Variants in HERC3 observed in about 807,000 individuals in gnomAD.
The protein encoded by HERC3 is probable E3 ubiquitin-protein ligase HERC3.
In HERC3, 58 loss-of-function variants were observed where a neutral mutation model predicts 129.9. The observed-to-expected ratio is 0.45, with a 90% CI of 0.36 to 0.56. HERC3 has a LOEUF of 0.56. HERC3 is among the 20% of genes least tolerant of loss of function. The probability of loss-of-function intolerance (pLI) is 0.00; values close to 1 mark genes in which losing one functional copy is unlikely to be tolerated. For missense variants in HERC3, 835 were observed against 1,244.2 expected, an observed-to-expected ratio of 0.67 and a Z score of 4.95; for synonymous variants, 430 against 451.0, an observed-to-expected ratio of 0.95 and a Z score of 0.59.
At chr4:88,644,560 A>G (rs1046122432) in intron 3 of HERC3, among the ~76,000 whole-genome samples, 1 of 152,220 alleles carries the variant, frequency 6.6e-6, no homozygotes, top group Non-Finnish European at 1.5e-5. Context: ...ACTCAAAACT[A>G]TAGTGAGAGA....
At chr4:88,546,105 T>C in the HERC3 span, among the ~76,000 whole-genome samples, 1 of 152,226 alleles carries the variant, frequency 6.6e-6, no homozygotes, top group Non-Finnish European at 1.5e-5. Flanking sequence ...GTTGAATTAC[T>C]TGAAATTTCC....
At chr4:88,658,019 C>T (rs747163357) in intron 9 of HERC3, among the ~76,000 whole-genome samples, 67 of 152,146 alleles carry the variant, frequency 4.4e-4, no homozygotes, top group Non-Finnish European at 5.0e-4. Context: ...GAGCAGGAAA[C>T]GGAGGTCCTT....
chr4:88,651,539 G>T (rs1729277487), intron 4 of HERC3, among the ~76,000 whole-genome samples: 1 of 152,150 alleles, frequency 6.6e-6, no homozygotes, highest in Non-Finnish European at 1.5e-5. Context: ...AGACAAGTAG[G>T]TAAAATACAG....
At chr4:88,603,141 A>C (rs1484314685) in intron 2 of HERC3, among the ~76,000 whole-genome samples, 1 of 151,830 alleles carries the variant, frequency 6.6e-6, no homozygotes, top group Non-Finnish European at 1.5e-5. Context: ...TGCCACGGAG[A>C]ATCTACTGTT....
Position 88,652,192 on chromosome 4 carries a change from T to C in HERC3, c.463+104T>C. ...TAACTGAAAACTTTGAATTAACTGG[T>C]TAGGGTCTATGCATTGCTGTTGGAC... On this transcript the variant is annotated intron_variant, in intron 5 of 25. Coordinates refer to ENST00000402738, the MANE Select transcript of HERC3 (RefSeq NM_014606.3). 4.8e-6 allele frequency: 4 copies of C among 834,752 alleles called. No homozygotes were observed. In the East Asian group the frequency reaches 1.0e-4, roughly 21 times the overall value. 51.7% of individuals were successfully genotyped at this position (834,752 alleles called of 1,614,324 possible).
chr4:88,609,163 G>T (rs752149952), intron 3 of HERC3, among the ~76,000 whole-genome samples: 28 of 149,732 alleles, frequency 1.9e-4, no homozygotes, highest in Non-Finnish European at 4.0e-4. Context: ...TGTACCTGTT[G>T]TTCCTGCTAC....
At chr4:88,539,359 C>T in the HERC3 span, among the ~76,000 whole-genome samples, 4 of 152,206 alleles carry the variant, frequency 2.6e-5, no homozygotes, top group Non-Finnish European at 5.9e-5. Context: ...GCTGCAGCCT[C>T]GGGGGGAGAG....
At chr4:88,645,501 T>A (rs1728592888) in intron 3 of HERC3, among the ~76,000 whole-genome samples, 1 of 152,156 alleles carries the variant, frequency 6.6e-6, no homozygotes, top group Admixed American at 6.6e-5. Context: ...TTGTATATAC[T>A]GTATATAGTA....
intron 3 of HERC3, among the ~76,000 whole-genome samples, chr4:88,610,101 C>T (rs1724129380): frequency 6.6e-6 from 1 of 152,084 alleles, no homozygotes; most frequent in Non-Finnish European, 1.5e-5. Flanking sequence ...CCTGTTTTAT[C>T]AGCAAAGTCT....
At chr4:88,672,190 A>T (rs1731681884) in intron 16 of HERC3, among the ~76,000 whole-genome samples, 1 of 152,118 alleles carries the variant, frequency 6.6e-6, no homozygotes, top group Non-Finnish European at 1.5e-5. Flanking sequence ...ATTCTTTTTT[A>T]CTCTGAAAAA....
the HERC3 span, among the ~76,000 whole-genome samples, chr4:88,532,415 G>T: frequency 6.6e-6 from 1 of 152,124 alleles, no homozygotes; most frequent in Non-Finnish European, 1.5e-5. Flanking sequence ...CTGAGGGCAG[G>T]GGAGTATATA....
At chr4:88,632,054 C>T (rs760850097) in intron 3 of HERC3, among the ~76,000 whole-genome samples, 16 of 152,146 alleles carry the variant, frequency 1.1e-4, no homozygotes, top group Admixed American at 2.6e-4. Flanking sequence ...GCCCCAGAGG[C>T]AGAAGTCCAT....
At chr4:88,697,909 T>C in intron 23 of HERC3, 1 of 997,288 alleles carries the variant, frequency 1.0e-6, no homozygotes, top group Non-Finnish European at 1.5e-6. Flanking sequence ...TCGCGGCACT[T>C]GACTGGCTTC....
chr4:88,609,409 T>C (rs1724044396), intron 3 of HERC3, among the ~76,000 whole-genome samples: 1 of 152,240 alleles, frequency 6.6e-6, no homozygotes, highest in African/African-American at 2.4e-5. Flanking sequence ...GGCAGTTTTA[T>C]ATCATGCCTC....
intron 21 of HERC3, among the ~76,000 whole-genome samples, chr4:88,686,053 A>G (rs1733414258): frequency 6.6e-6 from 1 of 152,306 alleles, no homozygotes; most frequent in Non-Finnish European, 1.5e-5. Context: ...AATTACACAG[A>G]GATAATGTAT....
intron 4 of HERC3, among the ~76,000 whole-genome samples, chr4:88,651,545 T>C (rs545488313): frequency 4.6e-5 from 7 of 152,290 alleles, no homozygotes; most frequent in African/African-American, 1.7e-4. Context: ...GTAGGTAAAA[T>C]ACAGTATGTG....
chr4:88,669,925 G>C lies in HERC3; in HGVS notation c.1699G>C (p.Val567Leu), dbSNP rs753739106. ...GCTGGTAAACCTCTATAAAGGTGCA[G>C]TCCTTTATCTACTGAGGGGAAGAAA... Reference protein sequence around the residue: ...MKLVNLYKGAVLYLLRGRKTF... With the variant: ...MKLVNLYKGALLYLLRGRKTF... Residue 567 changes from valine to leucine, a missense_variant, in exon 15 of 26, where the codon GTC becomes CTC. By Grantham distance (32) the Val-to-Leu change is conservative. Transcript: ENST00000402738. 2.5e-6 allele frequency: 4 copies of C among 1,611,478 alleles called. No homozygotes were observed. The highest frequency in any genetic ancestry group is 3.4e-6 in the Non-Finnish European group (4 of 1,177,628).
At chr4:88,566,246 GTTTCT>G in the HERC3 span, among the ~76,000 whole-genome samples, 2 of 151,962 alleles carry the variant, frequency 1.3e-5, no homozygotes, top group Admixed American at 1.3e-4. Context: ...CTGTTTCTGT[GTTTCT>G]TTTATGTTTT....
chr4:88,697,906 A>C, intron 23 of HERC3: 1 of 1,028,452 alleles, frequency 9.7e-7, no homozygotes, highest in South Asian at 1.7e-5. Flanking sequence ...CTTTCGCGGC[A>C]CTTGACTGGC....
Sources: allele counts gnomAD v4.1 joint callset (sites outside exome capture counted in the v4.1 genomes callset), GRCh38; gene constraint gnomAD v4.1.1; transcripts MANE v1.5; gene names NCBI Gene and HGNC (gene_info 2026-07-23, HGNC 2026-07-21).